The following ZFHX3 variants were observed in gnomAD, a reference collection of about 807,000 sequenced individuals.
The protein encoded by ZFHX3 is zinc finger homeobox 3.
In ZFHX3, 42 loss-of-function variants were observed where a neutral mutation model predicts 279.1. The ratio of observed to expected loss-of-function variants is 0.15; its 90% CI spans 0.12 to 0.19. The LOEUF (loss-of-function observed/expected upper bound fraction) is 0.19, where lower values mean the gene tolerates loss of function less well. ZFHX3 is among the 10% of genes least tolerant of loss of function. The pLI is 1.00. For synonymous variants in ZFHX3, 2,293 were observed against 1,957.8 expected (o/e 1.17, Z -4.52); for missense variants, 4,981 against 4,754.0 (o/e 1.05, Z -1.40).
chr16:73,767,973 C>T (rs1458673635), intron 1 of ZFHX3, among the ~76,000 whole-genome samples: 1 of 152,136 alleles, frequency 6.6e-6, no homozygotes, highest in East Asian at 1.9e-4. Flanking sequence ...ACGTAGGGAG[C>T]TTTTACATCC....
chr16:73,118,172 C>A (rs1966453991), intron 7 of ZFHX3, among the ~76,000 whole-genome samples: 1 of 152,134 alleles, frequency 6.6e-6, no homozygotes, highest in African/African-American at 2.4e-5. Flanking sequence ...ACCAAGAATT[C>A]TTTCTATTGC....
At chr16:73,205,732 A>G (rs1166211526) in intron 5 of ZFHX3, among the ~76,000 whole-genome samples, 1 of 152,234 alleles carries the variant, frequency 6.6e-6, no homozygotes, top group Non-Finnish European at 1.5e-5. Context: ...AATAATACAC[A>G]AGGGACAGCA....
intron 5 of ZFHX3, among the ~76,000 whole-genome samples, chr16:73,181,371 T>C (rs190774010): frequency 3.2e-4 from 48 of 152,266 alleles, no homozygotes; most frequent in African/African-American, 1.0e-3. Flanking sequence ...ATTACAGGCA[T>C]GAGCCACCAT....
At chr16:73,462,811 A>G (rs987855299) in intron 2 of ZFHX3, among the ~76,000 whole-genome samples, 4 of 152,016 alleles carry the variant, frequency 2.6e-5, no homozygotes, top group African/African-American at 9.7e-5. Context: ...GTTGAATTCT[A>G]TTTGCGAACA....
chr16:73,858,524 T>G (rs947752076), intron 1 of ZFHX3, among the ~76,000 whole-genome samples: 1 of 152,254 alleles, frequency 6.6e-6, no homozygotes, highest in African/African-American at 2.4e-5. Context: ...TTTTAGGGCC[T>G]TGCATAGCAT....
rs1320617894 is a variant in ZFHX3, at chr16:72,956,176, C to T, written c.2719+1251G>A. ...GCTTTGAAATATAACTCATCGGCAACAATTAGCACTCAAACACCACACAAA... is the reference window on the plus strand; with the variant it reads ...GCTTTGAAATATAACTCATCGGCAATAATTAGCACTCAAACACCACACAAA... On this transcript the variant is annotated intron_variant, in intron 2 of 9. Transcript: ENST00000268489. Among the ~76,000 whole-genome samples the T allele has an allele frequency of 2.0e-5, 3 of 152,332 alleles. No homozygotes were observed. The South Asian group carries it at 6.2e-4, about 32-fold the overall frequency.
intron 7 of ZFHX3, among the ~76,000 whole-genome samples, chr16:72,805,655 T>G (rs1303617624): frequency 6.6e-6 from 1 of 152,182 alleles, no homozygotes; most frequent in Non-Finnish European, 1.5e-5. Flanking sequence ...AAGCCAGCTG[T>G]TCCAGCGAGA....
At chr16:73,249,460 G>A (rs2013413988) in intron 5 of ZFHX3, among the ~76,000 whole-genome samples, 1 of 152,174 alleles carries the variant, frequency 6.6e-6, no homozygotes, top group Non-Finnish European at 1.5e-5. Flanking sequence ...TGTCTTACAT[G>A]GCAGCAGGCA....
At position 73,352,661 on chromosome 16, in the gene ZFHX3, T is replaced by C. The variant is rs151025251; in HGVS notation, c.-1290-34325A>G. ...CGCCAGGTTGATTTAAAAAAGTTTT[T>C]TGGGGTAGTGATGCGGTCTTGCTAT... On this transcript the variant is annotated intron_variant, in intron 3 of 17. Coordinates refer to the ZFHX3 transcript ENST00000641206. Among the ~76,000 whole-genome samples the C allele has an allele frequency of 2.0e-4, 31 of 151,898 alleles. 1 individual carries two copies. The East Asian group carries it at 5.5e-3, about 27-fold the overall frequency.
chr16:73,767,433 G>A (rs1314054360), intron 1 of ZFHX3, among the ~76,000 whole-genome samples: 1 of 152,184 alleles, frequency 6.6e-6, no homozygotes, highest in Non-Finnish European at 1.5e-5. Flanking sequence ...ATGTTGTAAA[G>A]TAGAGAGTAC....
At chr16:72,920,857 GC>G (rs2039566656) in intron 3 of ZFHX3, among the ~76,000 whole-genome samples, 1 of 151,786 alleles carries the variant, frequency 6.6e-6, no homozygotes, top group Non-Finnish European at 1.5e-5. Context: ...ATTGCTTGAA[GC>G]CAGTAGTTTG....
chr16:73,008,164 T>C (rs1196468781), intron 1 of ZFHX3, among the ~76,000 whole-genome samples: 1 of 152,212 alleles, frequency 6.6e-6, no homozygotes, highest in African/African-American at 2.4e-5. Context: ...TTGAGTTGAA[T>C]ACTTAATTCA....
At chr16:72,996,793 T>C (rs1431757670) in intron 1 of ZFHX3, among the ~76,000 whole-genome samples, 1 of 152,196 alleles carries the variant, frequency 6.6e-6, no homozygotes, top group Non-Finnish European at 1.5e-5. Flanking sequence ...TTGATAATAA[T>C]CAGCCAGATA....
chr16:72,790,545 C>G (rs761543870), intron 9 of ZFHX3: 1 of 152,118 alleles, frequency 6.6e-6, no homozygotes, highest in Non-Finnish European at 1.5e-5. Context: ...AGATTTCAGA[C>G]GAAAAGAACA....
intron 3 of ZFHX3, among the ~76,000 whole-genome samples, chr16:73,381,626 T>G (rs2016819529): frequency 6.6e-6 from 1 of 152,206 alleles, no homozygotes; most frequent in African/African-American, 2.4e-5. Flanking sequence ...TGGCAAGCTT[T>G]TTCTATAAGG....
At chr16:73,146,189 G>A (rs1317826166) in intron 5 of ZFHX3, among the ~76,000 whole-genome samples, 1 of 152,148 alleles carries the variant, frequency 6.6e-6, no homozygotes, top group Non-Finnish European at 1.5e-5. Flanking sequence ...CAGCACTTTG[G>A]GAGGCTGAGA....
intron 1 of ZFHX3, among the ~76,000 whole-genome samples, chr16:73,728,067 C>A (rs2053537064): frequency 7.5e-6 from 1 of 133,338 alleles, no homozygotes; most frequent in African/African-American, 2.8e-5. Flanking sequence ...CTCCCAGCAT[C>A]TAAAAATGTG....
intron 3 of ZFHX3, among the ~76,000 whole-genome samples, chr16:73,381,243 T>C (rs1462316961): frequency 1.3e-5 from 2 of 152,086 alleles, no homozygotes; most frequent in Non-Finnish European, 2.9e-5. Context: ...CCAGAAAACA[T>C]ATATAAATTT....
chr16:73,479,172 G>A (rs577472353), intron 2 of ZFHX3, among the ~76,000 whole-genome samples: 22 of 152,310 alleles, frequency 1.4e-4, no homozygotes, highest in African/African-American at 4.6e-4. Context: ...TGAGCTTGAA[G>A]ATGGAAGCCA....
Sources: gnomAD v4.1 joint callset for allele counts (sites outside exome capture counted in the v4.1 genomes callset) on GRCh38, gnomAD v4.1.1 for gene constraint, MANE v1.5 for transcripts, NCBI Gene and HGNC (gene_info 2026-07-23, HGNC 2026-07-21) for gene names.